The following TTI1 variants were observed in gnomAD, a reference collection of about 807,000 sequenced individuals.
TTI1 encodes the protein TELO2-interacting protein 1 homolog.
A neutral mutation model predicts 85.4 loss-of-function variants in TTI1; 52 were observed. That is an observed-to-expected ratio of 0.61 (90% CI 0.49 to 0.77). TTI1 has a LOEUF of 0.77. TTI1 is among the 30% of genes least tolerant of loss of function. The pLI is 0.00. For synonymous variants in TTI1, 512 were observed against 503.9 expected (o/e 1.02, Z -0.22); for missense variants, 1,173 against 1,296.0 (o/e 0.91, Z 1.46).
intron 7 of TTI1, 53 bp downstream of exon 7, chr20:37,996,322 C>T (rs2073337266): frequency 6.3e-7 from 1 of 1,590,754 alleles, no homozygotes; most frequent in African/African-American, 1.3e-5. Flanking sequence ...ATTAGCAAAT[C>T]ATCTGTAATT....
Position 38,002,708 on chromosome 20 carries a change from A to G in TTI1, c.2572T>C (p.Leu858=). The change falls in exon 4 of 8, where the codon TTG becomes CTG. Residue 858 remains leucine, a synonymous_variant. Transcript: ENST00000373447. ...TRPDVEPPLP[L]QIQIAMDVME... ...ACGTCCATGGCTATTTGGATCTGCA[A>G]TGGCAGTGGTGGCTCCACATCTGGA... is the stretch of plus-strand genomic sequence containing the variant. The G allele has an allele frequency of 6.2e-7, 1 of 1,614,256 alleles. No homozygotes were observed. Among genetic ancestry groups the G allele is most frequent in the Non-Finnish European group, 8.5e-7 (1 of 1,180,038 alleles).
At chr20:37,988,161 A>T (rs2073216901) in intron 7 of TTI1, among the ~76,000 whole-genome samples, 1 of 152,202 alleles carries the variant, frequency 6.6e-6, no homozygotes, top group Non-Finnish European at 1.5e-5. Flanking sequence ...CCCATGGCAC[A>T]CTGTTGCAAG....
Position 38,020,640 on chromosome 20 carries a change from A to T in TTI1, c.-41-6783T>A, listed in dbSNP as rs190415862. 7.1e-4 allele frequency among the ~76,000 whole-genome samples: 108 copies of T among 152,220 alleles called. 3 individuals are homozygous for T. The East Asian group carries it at 0.017, about 23-fold the overall frequency. Reference sequence around the variant, plus strand: ...TATCTATAATATACAAAAGATTTTTAAAAAATCATTTAAAAAAGGAAAGAC... The same window carrying T: ...TATCTATAATATACAAAAGATTTTTTAAAAATCATTTAAAAAAGGAAAGAC... On this transcript the variant is annotated intron_variant, in intron 1 of 7. Coordinates refer to ENST00000373447, the MANE Select transcript of TTI1 (RefSeq NM_001303457.2).
intron 5 of TTI1, among the ~76,000 whole-genome samples, chr20:37,998,608 C>T (rs746983): frequency 0.093 from 14,173 of 152,154 alleles, 873 homozygotes; most frequent in East Asian, 0.32. Flanking sequence ...ATATATAGGA[C>T]TGTTAGCTTT....
intron 2 of TTI1, among the ~76,000 whole-genome samples, 182 bp from the exon 3 acceptor site, chr20:38,006,579 C>T (rs2073503923): frequency 2.0e-5 from 3 of 152,222 alleles, no homozygotes; most frequent in African/African-American, 7.2e-5. Flanking sequence ...ATGCGGCAAG[C>T]ATTTTCCTGT....
intron 7 of TTI1, chr20:37,987,070 G>A (rs1298357306): frequency 2.3e-6 from 1 of 426,168 alleles, no homozygotes; most frequent in East Asian, 7.1e-5. Flanking sequence ...CGAGAGGCAG[G>A]CGGCCTGCTG....
chr20:37,991,865 A>G (rs1490431295), intron 7 of TTI1, among the ~76,000 whole-genome samples: 1 of 152,234 alleles, frequency 6.6e-6, no homozygotes, highest in Non-Finnish European at 1.5e-5. Flanking sequence ...CTCCTTGGAC[A>G]TACTAACGTG....
chr20:38,008,563 G>C (rs574104329), intron 2 of TTI1, among the ~76,000 whole-genome samples: 108 of 152,336 alleles, frequency 7.1e-4, no homozygotes, highest in African/African-American at 2.6e-3. Flanking sequence ...GGATTAAGCA[G>C]TAATTAACTG....
At position 38,024,415 on chromosome 20, in the gene TTI1, G is replaced by A. The variant is rs139244385; in HGVS notation, c.-42+8989C>T. On this transcript the variant is annotated intron_variant, in intron 1 of 7. Transcript: ENST00000373447. Reference sequence around the variant, plus strand: ...TATATAAAGCAAATACAAGAAGAAAGCAGACTGGTTAGGGACCCCAGAACC... The same window carrying A: ...TATATAAAGCAAATACAAGAAGAAAACAGACTGGTTAGGGACCCCAGAACC... 4.3e-3 allele frequency among the ~76,000 whole-genome samples: 653 copies of A among 152,144 alleles called. 2 individuals carry two copies. The highest frequency in any genetic ancestry group is 0.015 in the African/African-American group (623 of 41,476).
At chr20:37,985,209 C>A (rs535802621) in intron 7 of TTI1, among the ~76,000 whole-genome samples, 14 of 152,330 alleles carry the variant, frequency 9.2e-5, no homozygotes, top group African/African-American at 3.1e-4. Flanking sequence ...AAGCACAGAT[C>A]AAGCCCTACA....
At chr20:38,006,909 G>A (rs2073509294) in intron 2 of TTI1, among the ~76,000 whole-genome samples, 1 of 152,178 alleles carries the variant, frequency 6.6e-6, no homozygotes, top group African/African-American at 2.4e-5. Flanking sequence ...TATGCCCAGT[G>A]TGGGTTCCAG....
chr20:37,988,047 C>G (rs182404322), intron 7 of TTI1, among the ~76,000 whole-genome samples: 3 of 152,318 alleles, frequency 2.0e-5, no homozygotes, highest in African/African-American at 7.2e-5. Flanking sequence ...CCTGGTCCAG[C>G]CCAGGCCCTA....
chr20:38,020,308 A>AT (rs1421237874), intron 1 of TTI1, among the ~76,000 whole-genome samples: 1 of 80,862 alleles, frequency 1.2e-5, no homozygotes, highest in East Asian at 2.8e-4. Context: ...GGCTACTCAT[A>AT]TGAAAAAAAA....
Position 38,015,213 on chromosome 20 carries a change from T to G in TTI1, c.-41-1356A>C, listed in dbSNP as rs543868796. Among the ~76,000 whole-genome samples the G allele has an allele frequency of 2.0e-5, 3 of 152,230 alleles. No individual in the cohort carries two copies. The East Asian group carries it at 5.8e-4, about 29-fold the overall frequency. ...AGAGAGCTGGTGCCAAATTTCCCCA[T>G]GGAGAGACTCTGATACGCTGGAGAG... On this transcript the variant is annotated intron_variant, in intron 1 of 7. Transcript: ENST00000373447.
chr20:38,021,838 G>A (rs1416564109), intron 1 of TTI1, among the ~76,000 whole-genome samples: 1 of 152,186 alleles, frequency 6.6e-6, no homozygotes, highest in Admixed American at 6.5e-5. Flanking sequence ...TGTAAAGGTG[G>A]TGAAGACAAA....
In TTI1 at chr20:38,011,764, C is replaced by T. The variant is rs780707165; in HGVS notation, c.2053G>A (p.Asp685Asn). The T allele has an allele frequency of 1.9e-5, 30 of 1,614,170 alleles. No individual in the cohort carries two copies. The highest frequency in any genetic ancestry group is 3.3e-5 in the Admixed American group (2 of 60,028). ...MMDVCRACGY[D>N]SLQHLINQNS... ...TGATTGATCAGGTGCTGCAGGGAGT[C>T]GTAGCCACAAGCACGGCAAACGTCC... is the stretch of plus-strand genomic sequence containing the variant. Residue 685 changes from aspartate (D) to asparagine (N), a missense_variant, in exon 2 of 8, where the codon GAC (aspartate) becomes AAC (asparagine). Transcript: ENST00000373447.
chr20:37,983,678 G>A (rs373175461), intron 7 of TTI1, 39 bp from the exon 8 acceptor site: 4 of 1,448,860 alleles, frequency 2.8e-6, no homozygotes, highest in Non-Finnish European at 3.6e-6. Flanking sequence ...AGGGTACAGA[G>A]AGGGAAGGCG....
chr20:38,003,143 G>T (rs1289174957), intron 3 of TTI1, among the ~76,000 whole-genome samples: 4 of 152,028 alleles, frequency 2.6e-5, no homozygotes, highest in Admixed American at 1.3e-4. Flanking sequence ...AAATTTTTTT[G>T]TAGAAATGGG....
chr20:38,012,659 A>G lies in TTI1; in HGVS notation c.1158T>C (p.Pro386=). 1 of 1,614,214 alleles carries G rather than the reference A, an allele frequency of 6.2e-7. No homozygotes were observed. Among genetic ancestry groups the G allele is most frequent in the Non-Finnish European group, 8.5e-7 (1 of 1,180,038 alleles). The change falls in exon 2 of 8, where the codon CCT becomes CCC. Residue 386 remains proline, a synonymous_variant. Coordinates refer to ENST00000373447, the MANE Select transcript of TTI1 (RefSeq NM_001303457.2). ...ESLHSLATSL[P]RLMNSQDDQG... is the part of the protein sequence containing the mutation. ...GGTCATCTTGGGAGTTCATTAGGCGAGGAAGAGATGTGGCAAGGGAATGCA... is the reference window on the plus strand; with the variant it reads ...GGTCATCTTGGGAGTTCATTAGGCGGGGAAGAGATGTGGCAAGGGAATGCA...
Sources: allele counts gnomAD v4.1 joint callset (sites outside exome capture counted in the v4.1 genomes callset), GRCh38; gene constraint gnomAD v4.1.1; transcripts MANE v1.5; gene names NCBI Gene and HGNC (gene_info 2026-07-23, HGNC 2026-07-21).